The following SPMIP11 variants were observed in gnomAD, a reference collection of about 807,000 sequenced individuals.
SPMIP11 encodes sperm microtubule inner protein 11.
chr12:48,744,393 G>A, the SPMIP11 span, among the ~76,000 whole-genome samples: 108 of 152,184 alleles, frequency 7.1e-4, no homozygotes, highest in African/African-American at 2.5e-3. Context: ...GTGACAGAGT[G>A]AGACTCTGTT....
the SPMIP11 span, chr12:48,736,155 G>T: frequency 2.3e-6 from 1 of 434,106 alleles, no homozygotes; most frequent in Non-Finnish European, 4.6e-6. Flanking sequence ...TGTAATCCCA[G>T]GACTTTGGAA....
chr12:48,758,108 C>T, the SPMIP11 span, among the ~76,000 whole-genome samples: 11 of 152,118 alleles, frequency 7.2e-5, no homozygotes, highest in African/African-American at 2.7e-4. Context: ...TTCAAGGCTT[C>T]AGTGAGCTAC....
chr12:48,742,286 T>TC, the SPMIP11 span, among the ~76,000 whole-genome samples: 11 of 122,780 alleles, frequency 9.0e-5, 1 homozygote, highest in Non-Finnish European at 9.5e-5. Flanking sequence ...TCCTTTTTTT[T>TC]TTTTTTTTTT....
the SPMIP11 span, among the ~76,000 whole-genome samples, chr12:48,741,565 T>G: frequency 1.3e-5 from 2 of 152,160 alleles, no homozygotes; most frequent in African/African-American, 4.8e-5. Flanking sequence ...GTGTAATTAT[T>G]GGTTTTCTTC....
the SPMIP11 span, among the ~76,000 whole-genome samples, chr12:48,746,360 C>CTTTTTTTTTTTT: frequency 9.9e-6 from 1 of 101,196 alleles, no homozygotes. Context: ...ACTATAATTC[C>CTTTTTTTTTTTT]TTTTTTTTTT....
the SPMIP11 span, among the ~76,000 whole-genome samples, chr12:48,745,369 CTGAGGCA>C: frequency 2.6e-5 from 4 of 151,864 alleles, no homozygotes. Context: ...ATTCCAGAGG[CTGAGGCA>C]GGCAGTTCAT....
At chr12:48,755,875 CTTT>C in the SPMIP11 span, among the ~76,000 whole-genome samples, 20 of 101,580 alleles carry the variant, frequency 2.0e-4, no homozygotes, top group Non-Finnish European at 2.4e-4. Context: ...CAGTTTCTTT[CTTT>C]TTTTTTTTTT....
At chr12:48,745,277 CAAA>C in the SPMIP11 span, among the ~76,000 whole-genome samples, 1 of 131,532 alleles carries the variant, frequency 7.6e-6, no homozygotes, top group African/African-American at 2.8e-5. Context: ...GACTCCATCT[CAAA>C]AAAAAAAAAG....
the SPMIP11 span, among the ~76,000 whole-genome samples, chr12:48,739,950 T>G: frequency 3.3e-5 from 5 of 152,328 alleles, no homozygotes; most frequent in East Asian, 7.7e-4. Flanking sequence ...AACAACATTC[T>G]TTACTCTGTT....
At chr12:48,752,669 CTTTTTTTT>C in the SPMIP11 span, among the ~76,000 whole-genome samples, 3 of 119,294 alleles carry the variant, frequency 2.5e-5, no homozygotes, top group Admixed American at 8.8e-5. Flanking sequence ...CCTATTTATT[CTTTTTTTT>C]TTTTTTTTTT....
At chr12:48,757,400 C>T in the SPMIP11 span, among the ~76,000 whole-genome samples, 5 of 152,140 alleles carry the variant, frequency 3.3e-5, no homozygotes, top group East Asian at 9.7e-4. Context: ...GTAATCCTAG[C>T]CCTTTGGGAG....
the SPMIP11 span, among the ~76,000 whole-genome samples, chr12:48,734,819 T>C: frequency 1.3e-5 from 2 of 151,754 alleles, no homozygotes; most frequent in Non-Finnish European, 2.9e-5. Flanking sequence ...CTGGCTAACA[T>C]GGTGAAACCC....
the SPMIP11 span, among the ~76,000 whole-genome samples, chr12:48,761,429 G>T: frequency 6.0e-5 from 9 of 149,196 alleles, no homozygotes; most frequent in South Asian, 1.9e-3. Flanking sequence ...CCAGCCTGGG[G>T]GACACAGCGA....
chr12:48,736,397 G>C, the SPMIP11 span, among the ~76,000 whole-genome samples: 38 of 134,046 alleles, frequency 2.8e-4, no homozygotes, highest in Middle Eastern at 5.0e-3. Context: ...CTGGGCAACA[G>C]AGTGAGACTC....
the SPMIP11 span, chr12:48,768,604 C>T: frequency 5.0e-6 from 8 of 1,614,082 alleles, no homozygotes; most frequent in Non-Finnish European, 5.9e-6. Flanking sequence ...ACTGCTGGGG[C>T]CCCCATTGAG....
At chr12:48,763,154 C>A in the SPMIP11 span, among the ~76,000 whole-genome samples, 9 of 152,176 alleles carry the variant, frequency 5.9e-5, no homozygotes, top group African/African-American at 2.2e-4. Context: ...TTTCTAATAG[C>A]AAAACTTTAA....
the SPMIP11 span, among the ~76,000 whole-genome samples, chr12:48,755,814 A>G: frequency 0.35 from 53,579 of 151,216 alleles, 10,417 homozygotes; most frequent in Non-Finnish European, 0.45. Flanking sequence ...TCAGACCAAT[A>G]ACTATTCTCA....
the SPMIP11 span, among the ~76,000 whole-genome samples, chr12:48,730,261 GAGA>G: frequency 6.8e-4 from 104 of 152,278 alleles, 3 homozygotes; most frequent in South Asian, 0.021. Flanking sequence ...TGGGATGACG[GAGA>G]AGTATCCCGA....
chr12:48,770,040 C>T, the SPMIP11 span, among the ~76,000 whole-genome samples: 169 of 149,982 alleles, frequency 1.1e-3, no homozygotes, highest in African/African-American at 3.9e-3. Context: ...GGATTACAGG[C>T]GTGAGCCACT....
Sources: allele counts gnomAD v4.1 joint callset (sites outside exome capture counted in the v4.1 genomes callset), GRCh38; gene constraint gnomAD v4.1.1; transcripts MANE v1.5; gene names NCBI Gene and HGNC (gene_info 2026-07-23, HGNC 2026-07-21).